Variants in CMIP observed in about 807,000 individuals in gnomAD.
CMIP encodes the protein C-Maf-inducing protein.
In CMIP, 13 loss-of-function variants were observed where a neutral mutation model predicts 97.3. That is an observed-to-expected ratio of 0.13 (90% CI 0.09 to 0.21). The LOEUF (loss-of-function observed/expected upper bound fraction) is 0.21. Ranked by LOEUF, CMIP falls within the 10% of genes least tolerant of loss-of-function variation. The pLI, the probability that CMIP is intolerant of heterozygous loss-of-function variation, is 1.00. For missense variants in CMIP, 847 were observed against 1,024.9 expected (o/e 0.83, Z 2.37); for synonymous variants, 538 against 436.3 (o/e 1.23, Z -2.91).
intron 1 of CMIP, among the ~76,000 whole-genome samples, chr16:81,512,807 G>T (rs976820927): frequency 1.1e-4 from 16 of 152,114 alleles, no homozygotes; most frequent in African/African-American, 3.9e-4. Context: ...CATGATCTCA[G>T]CTCACTGCAA....
intron 1 of CMIP, among the ~76,000 whole-genome samples, chr16:81,531,469 A>G (rs893530403): frequency 6.6e-5 from 10 of 152,210 alleles, no homozygotes; most frequent in Middle Eastern, 3.2e-3. Flanking sequence ...TGGGACATCA[A>G]TGCCCTCAGT....
In CMIP at chr16:81,655,396, G is replaced by A. The variant is rs954355827; in HGVS notation, c.640-2379G>A. Among the ~76,000 whole-genome samples, 17 of 152,268 alleles carry A rather than the reference G, an allele frequency of 1.1e-4. No homozygotes were observed. The highest frequency in any genetic ancestry group is 3.6e-4 in the African/African-American group (15 of 41,548). ...AAACAGTTCCGAGAAAGAACTGTCC[G>A]TCCACCAGCAAAGCAAAGCTGGCTG... On this transcript the variant is annotated intron_variant, in intron 4 of 20. Transcript: ENST00000537098. This position sits in a 1 kb window ranked among gnomAD's most constrained non-coding sequence, Gnocchi z 4.9.
At chr16:81,519,315 C>G (rs1378523435) in intron 1 of CMIP, 2 of 152,188 alleles carry the variant, frequency 1.3e-5, no homozygotes, top group African/African-American at 4.8e-5. Flanking sequence ...AACACACACA[C>G]AAAAAGTAAA....
rs1436209036 is a variant in CMIP, at chr16:81,481,298, C to G, written c.300+35757C>G. ...CTCATCTGGGTGTGCCGGGCCCTGT[C>G]TCTGCATGAGCTCCCTCATTCCAGC... On this transcript the variant is annotated intron_variant, in intron 1 of 20. Coordinates refer to ENST00000537098, the MANE Select transcript of CMIP (RefSeq NM_198390.3). Among the ~76,000 whole-genome samples, 4 of 152,202 alleles carry G rather than the reference C, an allele frequency of 2.6e-5. No homozygotes were observed. The East Asian group carries it at 7.7e-4, about 29-fold the overall frequency.
At chr16:81,660,279 C>CTT (rs567334323) in intron 5 of CMIP, among the ~76,000 whole-genome samples, 1 of 145,296 alleles carries the variant, frequency 6.9e-6, no homozygotes, top group African/African-American at 2.5e-5. Flanking sequence ...TTTCTTTTTT[C>CTT]TTTTTTTTTT....
chr16:81,514,897 A>G (rs1004318418), intron 1 of CMIP, among the ~76,000 whole-genome samples: 1 of 152,174 alleles, frequency 6.6e-6, no homozygotes, highest in Non-Finnish European at 1.5e-5. Flanking sequence ...AACATCTTTC[A>G]GAGGAGCTAC....
chr16:81,491,536 A>G (rs1351909954), intron 1 of CMIP, among the ~76,000 whole-genome samples: 1 of 152,202 alleles, frequency 6.6e-6, no homozygotes, highest in African/African-American at 2.4e-5. Context: ...TGGAACATGG[A>G]AGATAATTTA....
In CMIP at chr16:81,488,256, C is replaced by G. The variant is rs1333401790; in HGVS notation, c.300+42715C>G. ...GGGGTTAAGGGCTCATATTCCAGAG[C>G]CAGTCTGCATGGGTTTTAAATTCCT... is the stretch of plus-strand genomic sequence containing the variant. On this transcript the variant is annotated intron_variant, in intron 1 of 20. Transcript: ENST00000537098. Among the ~76,000 whole-genome samples, 6 of 152,206 alleles carry G rather than the reference C, an allele frequency of 3.9e-5. No individual in the cohort carries two copies. The South Asian group carries it at 1.2e-3, about 32-fold the overall frequency.
intron 1 of CMIP, among the ~76,000 whole-genome samples, chr16:81,600,110 C>G (rs1597132910): frequency 1.3e-5 from 2 of 151,954 alleles, no homozygotes; most frequent in East Asian, 3.9e-4. Flanking sequence ...GAAACCCTGT[C>G]TCTACTAAAA....
chr16:81,535,411 A>T (rs1357348756), intron 1 of CMIP, among the ~76,000 whole-genome samples: 1 of 149,228 alleles, frequency 6.7e-6, no homozygotes, highest in Non-Finnish European at 1.5e-5. Context: ...GTGTCTCATG[A>T]TGCTTCCCTG....
At chr16:81,622,600 A>G (rs1200959327) in intron 3 of CMIP, among the ~76,000 whole-genome samples, 6 of 152,132 alleles carry the variant, frequency 3.9e-5, no homozygotes, top group South Asian at 2.1e-4. Context: ...TTAGCTCAGG[A>G]CACGGCAGAA....
Position 81,708,831 on chromosome 16 carries a change from G to T in CMIP, c.2269-915G>T, listed in dbSNP as rs113294763. 1.3e-3 allele frequency among the ~76,000 whole-genome samples: 196 copies of T among 152,364 alleles called. 2 individuals carry two copies. Among genetic ancestry groups the T allele is most frequent in the African/African-American group, 4.7e-3 (195 of 41,582 alleles). ...CCTGTAACCTCTGCCTGGGCAGTGG[G>T]GAGCCATTGAGGGTTGTTGAGCACA... On this transcript the variant is annotated intron_variant, in intron 20 of 20. Transcript: ENST00000537098.
chr16:81,693,698 G>T (rs1425774558), intron 13 of CMIP, among the ~76,000 whole-genome samples: 6 of 152,218 alleles, frequency 3.9e-5, no homozygotes, highest in Non-Finnish European at 8.8e-5. Context: ...ACCGGGGGTG[G>T]TTTTCCACTG....
In CMIP at chr16:81,621,116, A is replaced by G; in HGVS notation, c.477+190A>G. 1 of 596,088 alleles carries G rather than the reference A, an allele frequency of 1.7e-6. No homozygotes were observed. The highest frequency in any genetic ancestry group is 4.5e-4 in the Middle Eastern group (1 of 2,206). 36.9% of individuals were successfully genotyped at this position (596,088 alleles called of 1,614,324 possible). On this transcript the variant is annotated intron_variant, in intron 3 of 20. Coordinates refer to ENST00000537098, the MANE Select transcript of CMIP (RefSeq NM_198390.3). The surrounding 1 kb of genome is among the most constrained non-coding windows in gnomAD (Gnocchi z 4.1). ...CTGCTGTTCAATTCCTGTCCCCTGC[A>G]GTGCTGAAATAGCATTCTCGCCCTG...
chr16:81,548,950 C>A (rs376101662), intron 1 of CMIP, among the ~76,000 whole-genome samples: 1 of 152,216 alleles, frequency 6.6e-6, no homozygotes, highest in East Asian at 1.9e-4. Flanking sequence ...TCATAGCAAC[C>A]CATTTCACAC....
chr16:81,533,782 G>A (rs2090287325), intron 1 of CMIP: 1 of 152,214 alleles, frequency 6.6e-6, no homozygotes. Context: ...CCTGGCCTAT[G>A]TGCTTTATTT....
intron 11 of CMIP, among the ~76,000 whole-genome samples, chr16:81,692,685 C>G (rs1567666629): frequency 6.6e-6 from 1 of 152,242 alleles, no homozygotes; most frequent in South Asian, 2.1e-4. Context: ...TCAGTCTCAG[C>G]AGAGTCGTGA....
chr16:81,629,551 T>C (rs142442127), intron 3 of CMIP, among the ~76,000 whole-genome samples: 23 of 152,296 alleles, frequency 1.5e-4, no homozygotes, highest in African/African-American at 5.5e-4. Flanking sequence ...GCCACCTTCC[T>C]CCCTCTCTGT....
chr16:81,593,828 T>C (rs1369107465), intron 1 of CMIP, among the ~76,000 whole-genome samples: 2 of 152,152 alleles, frequency 1.3e-5, no homozygotes, highest in Non-Finnish European at 2.9e-5. Context: ...CATAGTTACC[T>C]GTATCAGATG....
Sources: allele counts gnomAD v4.1 joint callset (sites outside exome capture counted in the v4.1 genomes callset), GRCh38; gene constraint gnomAD v4.1.1; non-coding constraint Gnocchi (gnomAD v3.1); transcripts MANE v1.5; gene names NCBI Gene and HGNC (gene_info 2026-07-23, HGNC 2026-07-21).